FBLN1: variants seen among roughly 807,000 people sequenced by gnomAD.
FBLN1 encodes the protein fibulin 1, also known as fibulin-1.
FBLN1 carries 34 observed loss-of-function variants against 89.7 expected under a neutral mutation model. That is an observed-to-expected ratio of 0.38 (90% CI 0.29 to 0.50). The LOEUF is 0.50. FBLN1 is among the 20% of genes least tolerant of loss of function. FBLN1 has a pLI of 0.92. For synonymous variants in FBLN1, 393 were observed against 391.3 expected (o/e 1.00, Z -0.05); for missense variants, 777 against 988.1 (o/e 0.79, Z 2.86).
intron 2 of FBLN1, among the ~76,000 whole-genome samples, chr22:45,523,497 G>A (rs776355102): frequency 4.6e-5 from 7 of 152,314 alleles, no homozygotes; most frequent in South Asian, 4.1e-4. Context: ...GAGGTCAGGC[G>A]TTTGAGACCA....
At position 45,579,285 on chromosome 22, in the gene FBLN1, G is replaced by A. The variant is rs1227276298; in HGVS notation, c.1972+2177G>A. On this transcript the variant is annotated intron_variant, in intron 16 of 16. Coordinates refer to ENST00000327858, the MANE Select transcript of FBLN1 (RefSeq NM_006486.3). The surrounding 1 kb of genome is among the most constrained non-coding windows in gnomAD (Gnocchi z 5.5). ...GAGACCATCCCTTCCTTCTTCCGTA[G>A]GAGGGGAAACTGAGGCCCGGAAGGG... 1.3e-5 allele frequency among the ~76,000 whole-genome samples: 2 copies of A among 152,280 alleles called. No homozygotes were observed. Among genetic ancestry groups the A allele is most frequent in the Admixed American group, 6.5e-5 (1 of 15,292 alleles).
chr22:45,539,650 C>T (rs1268763221), intron 8 of FBLN1, among the ~76,000 whole-genome samples: 1 of 152,236 alleles, frequency 6.6e-6, no homozygotes, highest in Non-Finnish European at 1.5e-5. Context: ...GAACGGGGAC[C>T]TTGGTAGCTT....
rs145686698 is a variant in FBLN1, at chr22:45,576,217, G to T, written c.1841-760G>T. Among the ~76,000 whole-genome samples the T allele has an allele frequency of 6.6e-6, 1 of 152,306 alleles. No homozygotes were observed. The highest frequency in any genetic ancestry group is 1.9e-4 in the East Asian group (1 of 5,184). The stretch of plus-strand genomic sequence containing the variant: ...TATTTGCCTTTTGCAAAATGATGGG[G>T]TTTCACCAAACCACATACAAATCCT... On this transcript the variant is annotated intron_variant, in intron 15 of 16. Coordinates refer to ENST00000327858, the MANE Select transcript of FBLN1 (RefSeq NM_006486.3). This position sits in a 1 kb window ranked among gnomAD's most constrained non-coding sequence, Gnocchi z 5.2.
In FBLN1 at chr22:45,574,437, C is replaced by T; in HGVS notation, c.1698-74C>T. The T allele has an allele frequency of 6.4e-7, 1 of 1,572,614 alleles. No individual in the cohort carries two copies. Among genetic ancestry groups the T allele is most frequent in the South Asian group, 1.1e-5 (1 of 89,624 alleles). ...CCTGCCCTGGCCACCTGCTCCTCCT[C>T]CCTAGACCTCGGCCCCTGTGGGAGC... On this transcript the variant is annotated intron_variant, in intron 14 of 16. Coordinates refer to ENST00000327858, the MANE Select transcript of FBLN1 (RefSeq NM_006486.3). The surrounding 1 kb of genome is among the most constrained non-coding windows in gnomAD (Gnocchi z 4.1).
chr22:45,554,370 G>C (rs2088750180), intron 14 of FBLN1, among the ~76,000 whole-genome samples: 1 of 152,198 alleles, frequency 6.6e-6, no homozygotes. Context: ...GCCTGGACCT[G>C]GGCATCTCTG....
At chr22:45,554,978 G>T (rs2088760534) in intron 14 of FBLN1, among the ~76,000 whole-genome samples, 1 of 149,406 alleles carries the variant, frequency 6.7e-6, no homozygotes, top group African/African-American at 2.6e-5. Flanking sequence ...CAGGAAGTTA[G>T]GACCCGTCCC....
intron 1 of FBLN1, among the ~76,000 whole-genome samples, chr22:45,509,780 CTG>C (rs2088073491): frequency 6.6e-6 from 1 of 152,252 alleles, no homozygotes; most frequent in African/African-American, 2.4e-5. Flanking sequence ...ATCAGGGTCT[CTG>C]TGGTTGACAT....
At chr22:45,523,249 A>C (rs770475839) in intron 2 of FBLN1, 1 of 737,784 alleles carries the variant, frequency 1.4e-6, no homozygotes. Flanking sequence ...GGAGCCAGCA[A>C]CGGCCAGTCC....
At chr22:45,568,690 A>ATGCTCCTTCTGTAGGGGAG (rs2088924300) in intron 14 of FBLN1, among the ~76,000 whole-genome samples, 1 of 63,274 alleles carries the variant, frequency 1.6e-5, no homozygotes. Flanking sequence ...CTGTAGGGGA[A>ATGCTCCTTCTGTAGGGGAG]TGCTCCTTCT....
chr22:45,551,506 G>A (rs2088700517), intron 14 of FBLN1, among the ~76,000 whole-genome samples: 1 of 152,230 alleles, frequency 6.6e-6, no homozygotes, highest in African/African-American at 2.4e-5. Context: ...CAAGGCTTCT[G>A]GGTACCCGAG....
At chr22:45,548,080 G>A (rs2088654503) in intron 12 of FBLN1, among the ~76,000 whole-genome samples, 1 of 152,180 alleles carries the variant, frequency 6.6e-6, no homozygotes. Flanking sequence ...GACAGAGACA[G>A]CTCTGTCACC....
At position 45,527,995 on chromosome 22, in the gene FBLN1, G is replaced by T. The variant is rs947880274; in HGVS notation, c.470G>T (p.Gly157Val). The change falls in exon 4 of 17, where the codon GGC becomes GTC. Residue 157 changes from glycine to valine, a missense_variant. Coordinates refer to ENST00000327858, the MANE Select transcript of FBLN1 (RefSeq NM_006486.3). Reference sequence around the variant, plus strand: ...GAGACCGGAGATTTGGATGTCGGGGGCCTCCAAGAAACGGGTAACTTTCCC... The same window carrying T: ...GAGACCGGAGATTTGGATGTCGGGGTCCTCCAAGAAACGGGTAACTTTCCC... ...SQETGDLDVG[G>V]LQETDKIIEV... 1 of 1,614,230 alleles carries T rather than the reference G, an allele frequency of 6.2e-7. No homozygotes were observed. Among genetic ancestry groups the T allele is most frequent in the African/African-American group, 1.3e-5 (1 of 75,072 alleles).
Position 45,600,508 on chromosome 22 carries a change from G to C in FBLN1, c.*62G>C. On this transcript the variant is annotated 3_prime_UTR_variant, in exon 17 of 17. Transcript: ENST00000327858. ...GGCCAAATCATTGCTGCCAGTGACTGTGGTCTGTACTTGTTTATACCCTCA... is the reference window on the plus strand; with the variant it reads ...GGCCAAATCATTGCTGCCAGTGACTCTGGTCTGTACTTGTTTATACCCTCA... 1 of 1,600,894 alleles carries C rather than the reference G, an allele frequency of 6.2e-7. No homozygotes were observed. The highest frequency in any genetic ancestry group is 8.6e-7 in the Non-Finnish European group (1 of 1,168,146).
At position 45,545,721 on chromosome 22, in the gene FBLN1, C is replaced by T. The variant is rs1283862807; in HGVS notation, c.1322-1364C>T. On this transcript the variant is annotated intron_variant, in intron 11 of 16. Coordinates refer to ENST00000327858, the MANE Select transcript of FBLN1 (RefSeq NM_006486.3). This position sits in a 1 kb window ranked among gnomAD's most constrained non-coding sequence, Gnocchi z 5.9. ...GTGTGTGGGGGCCACAGAGATGAAA[C>T]ACGGGGTGGAAGGCTATTGGACGTT... Among the ~76,000 whole-genome samples, 1 of 152,074 alleles carries T rather than the reference C, an allele frequency of 6.6e-6. No individual in the cohort carries two copies. Among genetic ancestry groups the T allele is most frequent in the Non-Finnish European group, 1.5e-5 (1 of 68,022 alleles).
rs1168681565 is a variant in FBLN1 at position 45,581,606 on chromosome 22, C to T, written c.1972+4498C>T. ...CGAATTTTGCATGTGGACCTCCTGA[C>T]CCTTGGGCCTCCCGGGTTGCAGGGA... On this transcript the variant is annotated intron_variant, in intron 16 of 16. Transcript: ENST00000327858. This position sits in a 1 kb window ranked among gnomAD's most constrained non-coding sequence, Gnocchi z 7.6. 1.3e-5 allele frequency among the ~76,000 whole-genome samples: 2 copies of T among 152,132 alleles called. No individual in the cohort carries two copies. The highest frequency in any genetic ancestry group is 2.1e-4 in the South Asian group (1 of 4,822).
At chr22:45,535,009 T>C (rs994819935) in intron 7 of FBLN1, among the ~76,000 whole-genome samples, 191 bp from the exon 8 acceptor site, 10 of 152,224 alleles carry the variant, frequency 6.6e-5, no homozygotes, top group African/African-American at 1.9e-4. Flanking sequence ...GTCAGCTTTT[T>C]AAGTCTTTAG....
rs1156349065 is a variant in FBLN1, at chr22:45,530,162, G to A, written c.485-1103G>A. Among the ~76,000 whole-genome samples, 1 of 152,016 alleles carries A rather than the reference G, an allele frequency of 6.6e-6. No individual in the cohort carries two copies. The highest frequency in any genetic ancestry group is 2.4e-5 in the African/African-American group (1 of 41,382). On this transcript the variant is annotated intron_variant, in intron 4 of 16. Transcript: ENST00000327858. The surrounding 1 kb of genome is among the most constrained non-coding windows in gnomAD (Gnocchi z 5.4). Reference sequence around the variant, plus strand: ...GTTACAGTCATCAAGAGGGATTGGGGCCGCATTCTGCCTCATTCCTTGGCT... The same window carrying A: ...GTTACAGTCATCAAGAGGGATTGGGACCGCATTCTGCCTCATTCCTTGGCT...
Position 45,528,121 on chromosome 22 carries a change from T to TG in FBLN1, c.484+116dup, listed in dbSNP as rs136731. ...TTTAAGGACTTGGCTCATGTGATCG[T>TG]GGGGCTGGCAAGTCCAAAATCTGCA... On this transcript the variant is annotated intron_variant, in intron 4 of 16. Coordinates refer to ENST00000327858, the MANE Select transcript of FBLN1 (RefSeq NM_006486.3). The TG allele has an allele frequency of 0.91, 1,133,507 of 1,240,196 alleles. 519,895 individuals carry two copies. Among genetic ancestry groups the TG allele is most frequent in the African/African-American group, 0.97 (65,235 of 67,458 alleles). 76.8% of individuals were successfully genotyped at this position (1,240,196 alleles called of 1,614,324 possible).
Position 45,597,878 on chromosome 22 carries a change from G to T in FBLN1, c.1973-2429G>T, listed in dbSNP as rs184831373. 6.9e-4 allele frequency among the ~76,000 whole-genome samples: 105 copies of T among 152,236 alleles called. No homozygotes were observed. The highest frequency in any genetic ancestry group is 2.4e-3 in the African/African-American group (101 of 41,556). ...TGGGCCTTTCACTTTTGAAACATAA[G>T]CCCAGAGAGCGAAAGGGGGGAACGT... On this transcript the variant is annotated intron_variant, in intron 16 of 16. Transcript: ENST00000327858. The surrounding 1 kb of genome is among the most constrained non-coding windows in gnomAD (Gnocchi z 4.2).
Sources: gnomAD v4.1 joint callset for allele counts (sites outside exome capture counted in the v4.1 genomes callset) on GRCh38, gnomAD v4.1.1 for gene constraint, Gnocchi (gnomAD v3.1) non-coding constraint, MANE v1.5 for transcripts, NCBI Gene and HGNC (gene_info 2026-07-23, HGNC 2026-07-21) for gene names.